Variants in GARIN1B observed in about 807,000 individuals in gnomAD.
GARIN1B encodes Golgi-associated RAB2 interactor protein 1B.
the GARIN1B span, chr7:128,715,616 C>T: frequency 6.2e-7 from 1 of 1,614,146 alleles, no homozygotes; most frequent in Non-Finnish European, 8.5e-7. Flanking sequence ...GGAGGGACTG[C>T]TCTGCCGGGT....
chr7:128,716,036 CG>C, the GARIN1B span, among the ~76,000 whole-genome samples: 282 of 152,278 alleles, frequency 1.9e-3, no homozygotes, highest in African/African-American at 6.5e-3. Flanking sequence ...AACAATAATG[CG>C]GATTGGCGAA....
the GARIN1B span, chr7:128,715,515 C>T: frequency 6.2e-7 from 1 of 1,614,142 alleles, no homozygotes; most frequent in Non-Finnish European, 8.5e-7. Context: ...AGATCCTATC[C>T]AACCTTCCCT....
At chr7:128,715,525 T>C in the GARIN1B span, 47 of 1,614,008 alleles carry the variant, frequency 2.9e-5, no homozygotes, top group African/African-American at 6.3e-4. Context: ...CAACCTTCCC[T>C]TCCCTGAATG....
the GARIN1B span, chr7:128,716,735 G>A: frequency 9.7e-5 from 118 of 1,222,588 alleles, no homozygotes; most frequent in East Asian, 1.5e-4. Flanking sequence ...TAATAGTGTC[G>A]AGGTTGAGAA....
the GARIN1B span, chr7:128,730,067 T>C: frequency 1.9e-5 from 31 of 1,613,106 alleles, no homozygotes; most frequent in Admixed American, 1.2e-4. Context: ...GCCCCACCCA[T>C]AGGTACAGCA....
chr7:128,730,206 C>T, the GARIN1B span: 1 of 1,014,080 alleles, frequency 9.9e-7, no homozygotes, highest in South Asian at 1.6e-5. Flanking sequence ...GCCACAGAGA[C>T]CTCAGCCCTC....
chr7:128,710,013 G>A, the GARIN1B span, among the ~76,000 whole-genome samples: 1 of 151,972 alleles, frequency 6.6e-6, no homozygotes, highest in African/African-American at 2.4e-5. Flanking sequence ...CATCTCCTGG[G>A]TTCAAGCAAT....
the GARIN1B span, among the ~76,000 whole-genome samples, chr7:128,721,961 T>C: frequency 3.9e-5 from 6 of 152,242 alleles, no homozygotes; most frequent in African/African-American, 1.4e-4. Flanking sequence ...ATCTGCCTGG[T>C]CACGGTGTAT....
chr7:128,716,678 G>T, the GARIN1B span: 2 of 649,700 alleles, frequency 3.1e-6, no homozygotes, highest in Non-Finnish European at 5.1e-6. Flanking sequence ...TCTTTAGTGT[G>T]CAGGGCAGTA....
the GARIN1B span, among the ~76,000 whole-genome samples, chr7:128,718,296 G>A: frequency 6.6e-6 from 1 of 152,244 alleles, no homozygotes; most frequent in African/African-American, 2.4e-5. Context: ...GACGGGCCTG[G>A]TGGCACATGC....
the GARIN1B span, among the ~76,000 whole-genome samples, chr7:128,715,967 C>G: frequency 3.9e-5 from 6 of 152,312 alleles, no homozygotes; most frequent in African/African-American, 1.2e-4. Flanking sequence ...TACTTCAGCC[C>G]CCAGGCTGTC....
At chr7:128,719,910 G>A in the GARIN1B span, among the ~76,000 whole-genome samples, 1 of 151,858 alleles carries the variant, frequency 6.6e-6, no homozygotes, top group Non-Finnish European at 1.5e-5. Context: ...ATGTTAGCCA[G>A]GCTGGTCTGG....
chr7:128,727,726 G>C, the GARIN1B span, among the ~76,000 whole-genome samples: 2 of 151,952 alleles, frequency 1.3e-5, no homozygotes, highest in African/African-American at 4.8e-5. Flanking sequence ...GCCATCCCAT[G>C]CCTCCTTCAT....
the GARIN1B span, among the ~76,000 whole-genome samples, chr7:128,721,700 G>A: frequency 6.6e-6 from 1 of 152,148 alleles, no homozygotes; most frequent in South Asian, 2.1e-4. Flanking sequence ...GTTTTTTGCT[G>A]TTAAGTATGA....
the GARIN1B span, among the ~76,000 whole-genome samples, chr7:128,710,683 T>C: frequency 7.0e-6 from 1 of 143,146 alleles, no homozygotes; most frequent in Non-Finnish European, 1.5e-5. Flanking sequence ...TTTTTTCTTT[T>C]CTTTTCCTTT....
At chr7:128,727,475 A>G in the GARIN1B span, among the ~76,000 whole-genome samples, 2 of 152,194 alleles carry the variant, frequency 1.3e-5, no homozygotes, top group Non-Finnish European at 2.9e-5. Context: ...CAGGTAACGC[A>G]GGGCATTCTA....
chr7:128,721,246 C>T, the GARIN1B span, among the ~76,000 whole-genome samples: 2 of 152,142 alleles, frequency 1.3e-5, no homozygotes, highest in South Asian at 2.1e-4. Context: ...CCTCAGCCTC[C>T]CAAAGTGCTG....
the GARIN1B span, chr7:128,731,231 T>A: frequency 1.0e-6 from 1 of 981,286 alleles, no homozygotes; most frequent in Non-Finnish European, 1.6e-6. Flanking sequence ...CAAGGAAGAA[T>A]AGAGTCATCT....
At chr7:128,718,442 A>AG in the GARIN1B span, among the ~76,000 whole-genome samples, 1 of 151,580 alleles carries the variant, frequency 6.6e-6, no homozygotes, top group South Asian at 2.1e-4. Context: ...CAGAAAAAAA[A>AG]AAAAAAAAGA....
Sources: allele counts gnomAD v4.1 joint callset (sites outside exome capture counted in the v4.1 genomes callset), GRCh38; gene constraint gnomAD v4.1.1; transcripts MANE v1.5; gene names NCBI Gene and HGNC (gene_info 2026-07-23, HGNC 2026-07-21).